The following SNTG2 variants were observed in gnomAD, a reference collection of about 807,000 sequenced individuals.
SNTG2 encodes gamma-2-syntrophin.
Under a neutral mutation model 70.9 loss-of-function variants are expected in SNTG2, and 74 were observed. That is an observed-to-expected ratio of 1.04 (90% CI 0.86 to 1.27). The LOEUF (loss-of-function observed/expected upper bound fraction) is 1.27, where lower values mean the gene tolerates loss of function less well. SNTG2 is among the 50% of genes most tolerant of loss of function. SNTG2 has a pLI of 0.00. For missense variants in SNTG2, 717 were observed against 690.7 expected (o/e 1.04, Z -0.43); for synonymous variants, 278 against 273.8 (o/e 1.02, Z -0.15).
intron 16 of SNTG2, among the ~76,000 whole-genome samples, chr2:1,331,844 G>T (rs1046687899): frequency 6.6e-6 from 1 of 152,210 alleles, no homozygotes; most frequent in African/African-American, 2.4e-5. Flanking sequence ...CTCATTGCAT[G>T]TTCAGAAAAA....
intron 1 of SNTG2, among the ~76,000 whole-genome samples, chr2:968,443 CATTT>C (rs983008866): frequency 2.0e-5 from 3 of 152,146 alleles, no homozygotes; most frequent in South Asian, 2.1e-4. Flanking sequence ...TTTTAAATCT[CATTT>C]ATTTTTTATT....
chr2:1,256,284 C>T (rs1481087163), intron 12 of SNTG2: 6 of 152,062 alleles, frequency 3.9e-5, no homozygotes, highest in Admixed American at 2.0e-4. Flanking sequence ...AGTGTCGTGA[C>T]GTGGTGCATG....
chr2:1,189,730 G>T (rs1179940208), intron 8 of SNTG2, among the ~76,000 whole-genome samples: 2 of 151,062 alleles, frequency 1.3e-5, no homozygotes, highest in Non-Finnish European at 2.9e-5. Flanking sequence ...TGTATTTTTA[G>T]TAGAGACGGG....
chr2:1,068,323 C>T (rs920487845), intron 1 of SNTG2: 5 of 152,070 alleles, frequency 3.3e-5, no homozygotes, highest in East Asian at 1.9e-4. Flanking sequence ...AAATATTCCT[C>T]GGATCCGTTG....
At chr2:1,195,919 T>C (rs767629457) in intron 8 of SNTG2, among the ~76,000 whole-genome samples, 10 of 152,288 alleles carry the variant, frequency 6.6e-5, no homozygotes, top group Non-Finnish European at 1.3e-4. Flanking sequence ...ACTCACATTG[T>C]TGGGATAATC....
At chr2:1,062,617 T>C (rs1484722239) in intron 1 of SNTG2, among the ~76,000 whole-genome samples, 1 of 152,144 alleles carries the variant, frequency 6.6e-6, no homozygotes, top group Non-Finnish European at 1.5e-5. Flanking sequence ...AATAAGAAAA[T>C]GTATTGGGCA....
rs1553373334 is a variant in SNTG2, at chr2:1,255,855, T to TATATATAAATATATATAAATATATATAA, written c.1006-3488_1006-3487insAATATATAAATATATATAAATATATATA. Among the ~76,000 whole-genome samples, 220 of 59,772 alleles carry TATATATAAATATATATAAATATATATAA rather than the reference T, an allele frequency of 3.7e-3. 6 individuals carry two copies. The highest frequency in any genetic ancestry group is 9.8e-3 in the Middle Eastern group (1 of 102). The allele number at this position is 59,772 out of a possible 152,430, so 39.2% of individuals were successfully genotyped here. On this transcript the variant is annotated intron_variant, in intron 12 of 16. Transcript: ENST00000308624. ...ATAAATATATATAAATATATATAAATATATATAAATATATATAAATATATA... is the reference window on the plus strand; with the variant it reads ...ATAAATATATATAAATATATATAAATATATATAAATATATATAAATATATATAAATATATAAATATATATAAATATATA...
At chr2:951,441 C>T (rs532018538) in intron 1 of SNTG2, among the ~76,000 whole-genome samples, 26 of 152,264 alleles carry the variant, frequency 1.7e-4, no homozygotes, top group African/African-American at 5.3e-4. Flanking sequence ...CGGGCCCAGG[C>T]GGTGGCTCGG....
chr2:1,192,725 CATCTG>C (rs1208020339), intron 8 of SNTG2, among the ~76,000 whole-genome samples: 1 of 152,122 alleles, frequency 6.6e-6, no homozygotes, highest in Admixed American at 6.5e-5. Flanking sequence ...TTCTCGGACT[CATCTG>C]ATCACACCGT....
intron 8 of SNTG2, among the ~76,000 whole-genome samples, chr2:1,195,246 A>T (rs1672837829): frequency 6.6e-6 from 1 of 152,142 alleles, no homozygotes; most frequent in Non-Finnish European, 1.5e-5. Context: ...TATACCCAGT[A>T]ATAGGATTGC....
chr2:1,353,121 C>A lies in SNTG2; in HGVS notation c.1489-14222C>A, dbSNP rs987091691. 1.8e-4 allele frequency among the ~76,000 whole-genome samples: 27 copies of A among 152,240 alleles called. No homozygotes were observed. The highest frequency in any genetic ancestry group is 6.3e-4 in the African/African-American group (26 of 41,542). The stretch of plus-strand genomic sequence containing the variant: ...AAACTTTCCAGCCATTATGCAAAAC[C>A]ACTGGGAGCTTGAAACTGGCTGTGG... On this transcript the variant is annotated intron_variant, in intron 16 of 16. Transcript: ENST00000308624. This position sits in a 1 kb window ranked among gnomAD's most constrained non-coding sequence, Gnocchi z 4.2.
chr2:1,346,764 C>T (rs531453894), intron 16 of SNTG2, among the ~76,000 whole-genome samples: 6 of 152,234 alleles, frequency 3.9e-5, no homozygotes, highest in African/African-American at 1.2e-4. Flanking sequence ...AACCGTAAGT[C>T]AGTGCATGGA....
chr2:1,212,445 C>T (rs1415035788), intron 9 of SNTG2, among the ~76,000 whole-genome samples: 2 of 152,186 alleles, frequency 1.3e-5, no homozygotes, highest in Admixed American at 6.5e-5. Context: ...TACCCATTCT[C>T]AGGTATTTCT....
intron 8 of SNTG2, among the ~76,000 whole-genome samples, chr2:1,203,673 A>AAATATATAT (rs1451954919): frequency 1.7e-5 from 2 of 115,538 alleles, no homozygotes; most frequent in African/African-American, 6.4e-5. Context: ...CAAAAAAAAA[A>AAATATATAT]ATATATATAT....
intron 16 of SNTG2, among the ~76,000 whole-genome samples, chr2:1,323,954 A>T (rs1301598269): frequency 1.3e-5 from 2 of 151,990 alleles, no homozygotes; most frequent in Non-Finnish European, 2.9e-5. Context: ...CATGGCTGAC[A>T]GTCACATGGC....
At chr2:1,325,213 A>T (rs1240683743) in intron 16 of SNTG2, among the ~76,000 whole-genome samples, 1 of 152,196 alleles carries the variant, frequency 6.6e-6, no homozygotes, top group Non-Finnish European at 1.5e-5. Flanking sequence ...CTTTTATTGA[A>T]CTTATGCAAA....
At chr2:1,162,109 C>T (rs934055975) in intron 6 of SNTG2, among the ~76,000 whole-genome samples, 1 of 148,864 alleles carries the variant, frequency 6.7e-6, no homozygotes, top group Admixed American at 6.7e-5. Context: ...TGTTTTCAGG[C>T]TACTCTGCCT....
At chr2:1,098,290 T>C (rs984082026) in intron 3 of SNTG2, 38 bp downstream of exon 3, 1 of 1,613,884 alleles carries the variant, frequency 6.2e-7, no homozygotes, top group Non-Finnish European at 8.5e-7. Flanking sequence ...CTTTTTATTT[T>C]TGAAGAACTT....
chr2:1,105,022 C>T (rs1666024269), intron 4 of SNTG2, among the ~76,000 whole-genome samples: 1 of 152,194 alleles, frequency 6.6e-6, no homozygotes, highest in East Asian at 1.9e-4. Flanking sequence ...CATTTCCATC[C>T]ACCCACTGGA....
Sources: gnomAD v4.1 joint callset for allele counts (sites outside exome capture counted in the v4.1 genomes callset) on GRCh38, gnomAD v4.1.1 for gene constraint, Gnocchi (gnomAD v3.1) non-coding constraint, MANE v1.5 for transcripts, NCBI Gene and HGNC (gene_info 2026-07-23, HGNC 2026-07-21) for gene names.